Variants in CNTNAP2 observed in about 807,000 individuals in gnomAD.
CNTNAP2 encodes contactin-associated protein-like 2.
CNTNAP2 carries 98 observed loss-of-function variants against 155.2 expected under a neutral mutation model. The ratio of observed to expected loss-of-function variants is 0.63; its 90% confidence interval spans 0.54 to 0.75. CNTNAP2 has a LOEUF of 0.75. Among genes scored for constraint, CNTNAP2 ranks in the 30% least tolerant of loss-of-function variants. The pLI is 0.00. For missense variants in CNTNAP2, 1,727 were observed against 1,688.1 expected (o/e 1.02, Z -0.40); for synonymous variants, 651 against 631.2 (o/e 1.03, Z -0.47).
chr7:146,845,992 A>G (rs1285809354), intron 3 of CNTNAP2, among the ~76,000 whole-genome samples: 3 of 152,224 alleles, frequency 2.0e-5, no homozygotes, highest in African/African-American at 7.2e-5. Context: ...CAAATCACTT[A>G]AAAATCTGTT....
chr7:148,301,508 T>A (rs1797391829), intron 21 of CNTNAP2, among the ~76,000 whole-genome samples: 1 of 152,034 alleles, frequency 6.6e-6, no homozygotes, highest in Non-Finnish European at 1.5e-5. Flanking sequence ...CCCTCTGTCC[T>A]CATGGGGTTT....
intron 22 of CNTNAP2, among the ~76,000 whole-genome samples, chr7:148,386,496 ACT>A (rs1799199268): frequency 6.6e-6 from 1 of 152,114 alleles, no homozygotes; most frequent in South Asian, 2.1e-4. Context: ...CCACTGCAAG[ACT>A]CTGTCTCAAA....
chr7:148,216,660 A>G (rs2116755823), intron 18 of CNTNAP2, among the ~76,000 whole-genome samples: 1 of 152,154 alleles, frequency 6.6e-6, no homozygotes, highest in African/African-American at 2.4e-5. Flanking sequence ...TGGTATGTGA[A>G]ATTTTTTTCT....
intron 13 of CNTNAP2, among the ~76,000 whole-genome samples, chr7:147,821,109 T>C (rs1584973422): frequency 1.3e-5 from 2 of 152,172 alleles, no homozygotes; most frequent in Admixed American, 1.3e-4. Flanking sequence ...CTGTGGCAGG[T>C]AGCAGTATAT....
At chr7:146,956,106 A>G (rs28620341) in intron 3 of CNTNAP2, among the ~76,000 whole-genome samples, 6,682 of 152,190 alleles carry the variant, frequency 0.044, 171 homozygotes, top group South Asian at 0.077. Flanking sequence ...TAGCAGAGGA[A>G]AAGTTGTAAT....
chr7:146,650,264 T>C (rs1057383507), intron 1 of CNTNAP2, among the ~76,000 whole-genome samples: 2 of 152,180 alleles, frequency 1.3e-5, no homozygotes, highest in African/African-American at 4.8e-5. Flanking sequence ...ATTGCAGCAC[T>C]ATTCACAATA....
At chr7:146,562,109 C>T (rs1306634763) in intron 1 of CNTNAP2, among the ~76,000 whole-genome samples, 1 of 152,080 alleles carries the variant, frequency 6.6e-6, no homozygotes, top group Admixed American at 6.6e-5. Flanking sequence ...TTTGAATCTC[C>T]TTAACTTGTT....
chr7:146,875,077 C>T (rs920228024), intron 3 of CNTNAP2, among the ~76,000 whole-genome samples: 3 of 151,926 alleles, frequency 2.0e-5, no homozygotes, highest in Non-Finnish European at 2.9e-5. Flanking sequence ...TTATAAGTAG[C>T]GAATAACTAA....
intron 3 of CNTNAP2, among the ~76,000 whole-genome samples, chr7:146,962,663 TC>T (rs970631009): frequency 6.6e-6 from 1 of 152,084 alleles, no homozygotes; most frequent in Admixed American, 6.5e-5. Flanking sequence ...CGATTCTCCT[TC>T]CTCAGACTCC....
intron 3 of CNTNAP2, among the ~76,000 whole-genome samples, chr7:146,915,421 A>G (rs1280751843): frequency 6.6e-6 from 1 of 152,194 alleles, no homozygotes; most frequent in Non-Finnish European, 1.5e-5. Flanking sequence ...CATTTTCACA[A>G]TATTGATTCT....
intron 8 of CNTNAP2, among the ~76,000 whole-genome samples, chr7:147,164,272 T>C (rs369944701): frequency 6.6e-6 from 1 of 152,222 alleles, no homozygotes; most frequent in Non-Finnish European, 1.5e-5. Flanking sequence ...GCAGACCCAA[T>C]AGAGGCTGCT....
chr7:147,173,136 A>G (rs1161716934), intron 8 of CNTNAP2, among the ~76,000 whole-genome samples: 1 of 152,196 alleles, frequency 6.6e-6, no homozygotes, highest in Non-Finnish European at 1.5e-5. Context: ...ATGTGTCTTG[A>G]TGGTATTAAA....
intron 13 of CNTNAP2, among the ~76,000 whole-genome samples, chr7:147,742,952 A>T (rs1352534568): frequency 6.6e-6 from 1 of 152,214 alleles, no homozygotes; most frequent in Non-Finnish European, 1.5e-5. Context: ...TTGGGAGGAC[A>T]ATGTGGACAG....
chr7:146,462,923 T>C (rs1403779330), intron 1 of CNTNAP2, among the ~76,000 whole-genome samples: 1 of 152,148 alleles, frequency 6.6e-6, no homozygotes, highest in Non-Finnish European at 1.5e-5. Flanking sequence ...CATCAGGCTA[T>C]TTCCTCAAGT....
At chr7:147,974,345 C>T (rs1431556586) in intron 14 of CNTNAP2, among the ~76,000 whole-genome samples, 2 of 152,150 alleles carry the variant, frequency 1.3e-5, no homozygotes, top group Non-Finnish European at 2.9e-5. Flanking sequence ...TGTAGTGGCT[C>T]ACACCTGTAA....
chr7:146,410,553 T>C (rs964008517), intron 1 of CNTNAP2, among the ~76,000 whole-genome samples: 4 of 152,134 alleles, frequency 2.6e-5, no homozygotes, highest in Non-Finnish European at 5.9e-5. Flanking sequence ...GTTATATAGG[T>C]AAACTTGTGT....
chr7:146,782,633 CTT>C (rs1802511001), intron 2 of CNTNAP2, among the ~76,000 whole-genome samples: 1 of 152,148 alleles, frequency 6.6e-6, no homozygotes, highest in Non-Finnish European at 1.5e-5. Context: ...GAGTCAGGAA[CTT>C]TTGACAGTGA....
chr7:147,344,655 G>C (rs1683598281), intron 9 of CNTNAP2, among the ~76,000 whole-genome samples: 1 of 152,104 alleles, frequency 6.6e-6, no homozygotes, highest in Admixed American at 6.5e-5. Context: ...GCAAATGATT[G>C]ATCACTTTAT....
Position 146,667,002 on chromosome 7 carries a change from T to C in CNTNAP2, c.98-107269T>C, listed in dbSNP as rs1203789602. On this transcript the variant is annotated intron_variant, in intron 1 of 23. Coordinates refer to ENST00000361727, the MANE Select transcript of CNTNAP2 (RefSeq NM_014141.6). ...TTAGTTTGATATGATACCATTTGTTTATTTTTGCTTTTGTTGTTGTACTTT... is the reference window on the plus strand; with the variant it reads ...TTAGTTTGATATGATACCATTTGTTCATTTTTGCTTTTGTTGTTGTACTTT... 2.0e-5 allele frequency among the ~76,000 whole-genome samples: 3 copies of C among 152,164 alleles called. No homozygotes were observed. In the East Asian group the frequency reaches 5.8e-4, roughly 29 times the overall value.
Sources: allele counts gnomAD v4.1 joint callset (sites outside exome capture counted in the v4.1 genomes callset), GRCh38; gene constraint gnomAD v4.1.1; transcripts MANE v1.5; gene names NCBI Gene and HGNC (gene_info 2026-07-23, HGNC 2026-07-21).